PCNX4: variants seen among roughly 807,000 people sequenced by gnomAD.
PCNX4 encodes the protein pecanex 4, also known as pecanex-like protein 4.
A neutral mutation model predicts 107.2 loss-of-function variants in PCNX4; 103 were observed. The ratio of observed to expected loss-of-function variants is 0.96; its 90% CI spans 0.82 to 1.13. The LOEUF (loss-of-function observed/expected upper bound fraction) is 1.13. Ranked by LOEUF, PCNX4 falls within the 50% of genes most tolerant of loss-of-function variation. The pLI is 0.00. For missense variants in PCNX4, 1,528 were observed against 1,379.4 expected (o/e 1.11, Z -1.71); for synonymous variants, 541 against 481.7 (o/e 1.12, Z -1.61).
rs1269176750 is a variant in PCNX4, at chr14:60,124,389, A to G, written c.2218A>G (p.Arg740Gly). The change falls in exon 9 of 11, where the codon AGG becomes GGG. Residue 740 changes from arginine to glycine, a missense_variant. Arg to Gly is a moderately radical substitution (Grantham distance 125). Transcript: ENST00000406854. ...GCCTGTGAAATTGTATTCTGATGCC[A>G]GGAATGTTCTATCAGGCATAATTGA... ...VLPVKLYSDA[R>G]NVLSGIIDSH... 1.2e-6 allele frequency: 2 copies of G among 1,613,538 alleles called. No individual in the cohort carries two copies. Among genetic ancestry groups the G allele is most frequent in the Admixed American group, 1.7e-5 (1 of 59,902 alleles).
intron 1 of PCNX4, among the ~76,000 whole-genome samples, chr14:60,105,606 T>C (rs1452933229): frequency 2.0e-5 from 3 of 152,198 alleles, no homozygotes; most frequent in African/African-American, 7.2e-5. Flanking sequence ...GCTTTCCATG[T>C]TTCTACAATA....
rs146933692 is a variant in PCNX4, at chr14:60,134,187, A to G, written c.3485A>G (p.Tyr1162Cys). 8.1e-6 allele frequency: 13 copies of G among 1,613,586 alleles called. No homozygotes were observed. In the African/African-American group the frequency reaches 1.7e-4, roughly 22 times the overall value. The change falls in exon 11 of 11, where the codon TAT becomes TGT. Residue 1162 changes from tyrosine (Y) to cysteine (C), a missense_variant. Transcript: ENST00000406854. ...AAEPPLGYPI[Y>C]SSKPLHIHLY ...GAACCTCCCCTGGGATATCCGATTT[A>G]TTCTTCAAAACCTCTCCACATACAT...
intron 10 of PCNX4, among the ~76,000 whole-genome samples, chr14:60,128,750 T>G (rs937902172): frequency 1.2e-4 from 19 of 152,226 alleles, no homozygotes; most frequent in Admixed American, 3.3e-4. Flanking sequence ...TAAAACAATA[T>G]GTATTCATGT....
intron 2 of PCNX4, chr14:60,109,763 G>T (rs1346833912): frequency 6.0e-6 from 1 of 167,144 alleles, no homozygotes; most frequent in Non-Finnish European, 1.5e-5. Flanking sequence ...GTGCATGCTA[G>T]AAATATGGAC....
At position 60,121,181 on chromosome 14, in the gene PCNX4, T is replaced by TC. The variant is rs768502351; in HGVS notation, c.1943-14dup. On this transcript the variant is annotated splice_polypyrimidine_tract_variant and intron_variant, in intron 7 of 10. Transcript: ENST00000406854. ...ATTTTCTTTTTTTTTTTTTTTTTTT[T>TC]CTAATTTGTTGTAGGTCTCCTCCTA... 4,345 of 1,519,184 alleles carry TC rather than the reference T, an allele frequency of 2.9e-3. 4 individuals are homozygous for TC. The highest frequency in any genetic ancestry group is 3.3e-3 in the Non-Finnish European group (3,775 of 1,135,402). 94.1% of individuals were successfully genotyped at this position (1,519,184 alleles called of 1,614,324 possible).
Position 60,144,962 on chromosome 14 carries a change from C to T in PCNX4, c.*10741C>T, listed in dbSNP as rs1566527561. The T allele has an allele frequency of 6.2e-7, 1 of 1,604,842 alleles. No individual in the cohort carries two copies. The highest frequency in any genetic ancestry group is 1.4e-5 in the African/African-American group (1 of 73,804). On this transcript the variant is annotated 3_prime_UTR_variant, in exon 11 of 11. Transcript: ENST00000406854. ...CAGTGGCTTGAAAAGTACAGGTGCT[C>T]TTTTCAGTCATGTTTTGTCTTAAAG... is the stretch of plus-strand genomic sequence containing the variant.
At chr14:60,094,304 C>G (rs745819014) in intron 1 of PCNX4, among the ~76,000 whole-genome samples, 1 of 83,232 alleles carries the variant, frequency 1.2e-5, no homozygotes, top group Non-Finnish European at 3.3e-5. Flanking sequence ...CCACTTTTCT[C>G]CAAAGAACCC....
rs1896302872 is a variant in PCNX4 at position 60,141,252 on chromosome 14, T to C, written c.*7031T>C. The C allele has an allele frequency of 1.3e-5, 2 of 151,906 alleles. No homozygotes were observed. Among genetic ancestry groups the C allele is most frequent in the Non-Finnish European group, 2.9e-5 (2 of 67,986 alleles). The allele number at this position is 151,906 out of a possible 1,614,324, so 9.4% of individuals were successfully genotyped here. The stretch of plus-strand genomic sequence containing the variant: ...CCACCACAAGAAACAAGAAAAAGAA[T>C]AGCAAAATAAGCCCAAAGCAGGCAA... On this transcript the variant is annotated 3_prime_UTR_variant, in exon 11 of 11. Coordinates refer to ENST00000406854, the MANE Select transcript of PCNX4 (RefSeq NM_001330177.2).
At chr14:60,110,886 G>T (rs1046803496) in intron 2 of PCNX4, 7 of 167,036 alleles carry the variant, frequency 4.2e-5, no homozygotes, top group Non-Finnish European at 1.0e-4. Flanking sequence ...TGTTTATGTT[G>T]AAGCCCTAAC....
chr14:60,127,886 A>T (rs143336724), intron 10 of PCNX4, among the ~76,000 whole-genome samples: 97 of 152,328 alleles, frequency 6.4e-4, no homozygotes, highest in Non-Finnish European at 1.0e-3. Context: ...AATAAAGGAC[A>T]GTATGGTGAC....
intron 8 of PCNX4, among the ~76,000 whole-genome samples, chr14:60,122,918 C>A (rs1283800637): frequency 3.3e-5 from 5 of 152,072 alleles, no homozygotes; most frequent in African/African-American, 1.2e-4. Context: ...ATGCAGTGCC[C>A]TGACTAGTAT....
intron 1 of PCNX4, among the ~76,000 whole-genome samples, chr14:60,092,708 G>C (rs1895328579): frequency 6.6e-6 from 1 of 152,126 alleles, no homozygotes; most frequent in South Asian, 2.1e-4. Context: ...CACCCACCCG[G>C]AGCTGTGTCC....
intron 1 of PCNX4, among the ~76,000 whole-genome samples, chr14:60,093,391 C>T (rs1363185863): frequency 6.6e-6 from 1 of 152,180 alleles, no homozygotes; most frequent in African/African-American, 2.4e-5. Context: ...TAAGCAATTA[C>T]TAATCTGTTT....
chr14:60,128,153 G>C (rs1281254989), intron 10 of PCNX4, among the ~76,000 whole-genome samples: 2 of 141,032 alleles, frequency 1.4e-5, no homozygotes, highest in African/African-American at 6.1e-5. Context: ...AGAGGAGAGA[G>C]AGAGAAGGGA....
chr14:60,109,171 G>A (rs1221221913), intron 2 of PCNX4: 1 of 167,018 alleles, frequency 6.0e-6, no homozygotes, highest in Non-Finnish European at 1.5e-5. Context: ...CAAAAATGTG[G>A]CCACCTGCAA....
chr14:60,138,901 A>C lies in PCNX4; in HGVS notation c.*4680A>C, dbSNP rs1018180129. 1 of 152,304 alleles carries C rather than the reference A, an allele frequency of 6.6e-6. No individual in the cohort carries two copies. Among genetic ancestry groups the C allele is most frequent in the East Asian group, 1.9e-4 (1 of 5,190 alleles). The allele number at this position is 152,304 out of a possible 1,614,324, so 9.4% of individuals were successfully genotyped here. A position where few individuals can be genotyped will look rare whatever the true frequency, so the allele number is the denominator to read the frequency against. On this transcript the variant is annotated 3_prime_UTR_variant, in exon 11 of 11. Coordinates refer to ENST00000406854, the MANE Select transcript of PCNX4 (RefSeq NM_001330177.2). The stretch of plus-strand genomic sequence containing the variant: ...AATAATATACAAATTTGGTGCAGGA[A>C]TTCTAAGGTCAGAATTATCAGAAAG...
chr14:60,116,682 G>A (rs1487511511), intron 6 of PCNX4, among the ~76,000 whole-genome samples: 1 of 152,082 alleles, frequency 6.6e-6, no homozygotes, highest in Non-Finnish European at 1.5e-5. Context: ...TATTATTTTA[G>A]AGTATATTCC....
At chr14:60,118,202 A>G (rs1194278296) in intron 6 of PCNX4, 127 bp from the exon 7 acceptor site, 2 of 1,295,500 alleles carry the variant, frequency 1.5e-6, no homozygotes, top group Non-Finnish European at 2.0e-6. Context: ...AAATCAAAGA[A>G]TAAGATTTAT....
intron 10 of PCNX4, among the ~76,000 whole-genome samples, chr14:60,127,485 C>T (rs1192597553): frequency 6.6e-6 from 1 of 152,198 alleles, no homozygotes; most frequent in Non-Finnish European, 1.5e-5. Flanking sequence ...CCCAAGGTAG[C>T]TGTGTGCATT....
Sources: gnomAD v4.1 joint callset for allele counts (sites outside exome capture counted in the v4.1 genomes callset) on GRCh38, gnomAD v4.1.1 for gene constraint, MANE v1.5 for transcripts, NCBI Gene and HGNC (gene_info 2026-07-23, HGNC 2026-07-21) for gene names.